ARFGEF2: variants seen among roughly 807,000 people sequenced by gnomAD.
ARFGEF2 encodes brefeldin A-inhibited guanine nucleotide-exchange protein 2.
A neutral mutation model predicts 219.9 loss-of-function variants in ARFGEF2; 74 were observed. That is an observed-to-expected ratio of 0.34 (90% CI 0.28 to 0.41). The LOEUF is 0.41. Ranked by LOEUF, ARFGEF2 falls within the 10% of genes least tolerant of loss-of-function variation. ARFGEF2 has a pLI of 1.00. For missense variants in ARFGEF2, 1,743 were observed against 2,218.3 expected, an observed-to-expected ratio of 0.79 and a Z score of 4.30; for synonymous variants, 733 against 799.2, an observed-to-expected ratio of 0.92 and a Z score of 1.40.
chr20:48,978,355 C>A (rs940750956), intron 14 of ARFGEF2, among the ~76,000 whole-genome samples: 18 of 152,144 alleles, frequency 1.2e-4, no homozygotes, highest in Admixed American at 3.9e-4. Flanking sequence ...GGTACCAGTA[C>A]CATGCTGTTT....
At chr20:48,996,184 C>T (rs1482203052) in intron 23 of ARFGEF2, among the ~76,000 whole-genome samples, 2 of 152,006 alleles carry the variant, frequency 1.3e-5, no homozygotes, top group African/African-American at 4.8e-5. Context: ...AAAAGCCTAC[C>T]CATGCTCACG....
intron 1 of ARFGEF2, among the ~76,000 whole-genome samples, chr20:48,932,571 A>C (rs1407672180): frequency 2.0e-5 from 3 of 152,314 alleles, no homozygotes; most frequent in Admixed American, 6.5e-5. Flanking sequence ...TTAAGACTAA[A>C]GGTCAGAGAG....
intron 8 of ARFGEF2, among the ~76,000 whole-genome samples, chr20:48,966,710 G>T (rs2091189599): frequency 6.6e-6 from 1 of 151,772 alleles, no homozygotes; most frequent in South Asian, 2.1e-4. Context: ...TTTCATTATT[G>T]CCCCTTCCTC....
intron 16 of ARFGEF2, among the ~76,000 whole-genome samples, chr20:48,987,124 A>G (rs1240436118): frequency 3.3e-5 from 5 of 152,248 alleles, no homozygotes; most frequent in Admixed American, 2.6e-4. Context: ...CAAAGGCAGC[A>G]TATCATCATT....
intron 30 of ARFGEF2, among the ~76,000 whole-genome samples, chr20:49,014,541 A>G (rs1470640471): frequency 6.6e-6 from 1 of 152,186 alleles, no homozygotes; most frequent in East Asian, 1.9e-4. Flanking sequence ...AATATGGAAT[A>G]TTAGGCAAAC....
intron 6 of ARFGEF2, among the ~76,000 whole-genome samples, chr20:48,956,902 A>G (rs181998677): frequency 1.3e-5 from 2 of 152,288 alleles, no homozygotes; most frequent in East Asian, 3.9e-4. Context: ...TTAGACAGCA[A>G]TATGTTCCAA....
intron 25 of ARFGEF2, 44 bp downstream of exon 25, chr20:48,998,549 AAAG>A: frequency 6.3e-7 from 1 of 1,588,384 alleles, no homozygotes; most frequent in Non-Finnish European, 8.6e-7. Context: ...AAAAAAAAAA[AAAG>A]TAGACAACTG....
rs1267608963 is a variant in ARFGEF2, at chr20:49,016,388, G to A, written c.4288G>A (p.Ala1430Thr). 4 of 1,613,414 alleles carry A rather than the reference G, an allele frequency of 2.5e-6. No individual in the cohort carries two copies. The highest frequency in any genetic ancestry group is 2.2e-5 in the South Asian group (2 of 91,084). ...TGAAGTTCTTCTTTCTGATGTATTT[G>A]CACAATTGCAGTGGTGTGTCAAACA... is the stretch of plus-strand genomic sequence containing the variant. ...LNEVLLSDVFAQLQWCVKQDN... is the reference protein window; with the variant it reads ...LNEVLLSDVFTQLQWCVKQDN... Residue 1430 changes from alanine (A) to threonine (T), a missense_variant, in exon 31 of 39, where the codon GCA (alanine) becomes ACA (threonine). By Grantham distance (58) the Ala-to-Thr change is moderately conservative (BLOSUM62 0). Coordinates refer to ENST00000371917, the MANE Select transcript of ARFGEF2 (RefSeq NM_006420.3).
At position 48,972,315 on chromosome 20, in the gene ARFGEF2, A is replaced by T. The variant is rs749293475; in HGVS notation, c.1426-11A>T. 1 of 1,590,964 alleles carries T rather than the reference A, an allele frequency of 6.3e-7. No individual in the cohort carries two copies. Among genetic ancestry groups the T allele is most frequent in the South Asian group, 1.1e-5 (1 of 90,622 alleles). The stretch of plus-strand genomic sequence containing the variant: ...TTAATTAGTGTCCTCCTTTGTCTTT[A>T]TGTCATATAGGTCTTTTTCAAAGAG... On this transcript the variant is annotated splice_polypyrimidine_tract_variant and intron_variant, in intron 10 of 38. Transcript: ENST00000371917.
chr20:48,933,800 C>A (rs1329596237), intron 1 of ARFGEF2, among the ~76,000 whole-genome samples: 1 of 151,918 alleles, frequency 6.6e-6, no homozygotes, highest in African/African-American at 2.4e-5. Context: ...TTTATCACTC[C>A]CATTTTTTAG....
At chr20:48,924,901 T>C (rs1344959460) in intron 1 of ARFGEF2, among the ~76,000 whole-genome samples, 1 of 152,218 alleles carries the variant, frequency 6.6e-6, no homozygotes, top group Non-Finnish European at 1.5e-5. Flanking sequence ...GCAAAAAACT[T>C]GGCATGTAGT....
In ARFGEF2 at chr20:49,025,348, G is replaced by A. The variant is rs370815962; in HGVS notation, c.4791G>A (p.Thr1597=). 5.0e-6 allele frequency: 8 copies of A among 1,613,400 alleles called. No individual in the cohort carries two copies. The highest frequency in any genetic ancestry group is 2.7e-5 in the African/African-American group (2 of 74,884). ...DTLDADIHIE[T]EDQGMYKYMS... ...TGGATGCAGATATCCACATAGAGACGGAGGATCAGGGCATGTATAAGTACA... is the reference window on the plus strand; with the variant it reads ...TGGATGCAGATATCCACATAGAGACAGAGGATCAGGGCATGTATAAGTACA... The change falls in exon 36 of 39, where the codon ACG becomes ACA. Residue 1597 remains threonine (T), a synonymous_variant. Transcript: ENST00000371917.
chr20:48,941,901 G>C lies in ARFGEF2; in HGVS notation c.190G>C (p.Glu64Gln). 1.2e-6 allele frequency: 2 copies of C among 1,614,170 alleles called. No homozygotes were observed. Residue 64 changes from glutamate to glutamine, a missense_variant, in exon 3 of 39, where the codon GAA becomes CAA. Glu to Gln is a conservative substitution (Grantham distance 29). This residue lies in a region of ARFGEF2 where 394 missense variants were observed against 426.6 expected (regional missense o/e 0.92). Transcript: ENST00000371917. ...TAAPPKANFI[E>Q]ADKYFLPFEL... ...TGCACCACCAAAGGCAAACTTCATT[G>C]AAGCTGACAAGTATTTTCTTCCATT... is the stretch of plus-strand genomic sequence containing the variant.
intron 1 of ARFGEF2, among the ~76,000 whole-genome samples, chr20:48,936,370 G>C (rs1372837722): frequency 1.3e-5 from 2 of 151,510 alleles, no homozygotes; most frequent in Non-Finnish European, 3.0e-5. Context: ...CCTCCCTCCC[G>C]GACGAGGTGG....
At chr20:48,935,621 AC>A (rs1385294078) in intron 1 of ARFGEF2, among the ~76,000 whole-genome samples, 1 of 152,156 alleles carries the variant, frequency 6.6e-6, no homozygotes, top group Non-Finnish European at 1.5e-5. Context: ...CACCTTGCAG[AC>A]GGGGTGGTGG....
chr20:48,953,374 C>T (rs2091083792), intron 5 of ARFGEF2, among the ~76,000 whole-genome samples, 182 bp from the exon 6 acceptor site: 1 of 151,954 alleles, frequency 6.6e-6, no homozygotes, highest in African/African-American at 2.4e-5. Flanking sequence ...CAGAGTTTCA[C>T]CATGTTGCCC....
intron 9 of ARFGEF2, 23 bp from the exon 10 acceptor site, chr20:48,971,097 T>C (rs746760891): frequency 6.9e-6 from 11 of 1,601,326 alleles, no homozygotes; most frequent in Non-Finnish European, 9.4e-6. Flanking sequence ...AGCACTGTTG[T>C]GGTTTTTCAT....
At chr20:48,960,611 G>A (rs2091142018) in intron 6 of ARFGEF2, among the ~76,000 whole-genome samples, 1 of 151,652 alleles carries the variant, frequency 6.6e-6, no homozygotes, top group African/African-American at 2.4e-5. Context: ...AGCCTCCCGA[G>A]TAGCTGGGAT....
At chr20:48,969,657 C>T (rs1171341406) in intron 9 of ARFGEF2, among the ~76,000 whole-genome samples, 1 of 152,222 alleles carries the variant, frequency 6.6e-6, no homozygotes, top group Non-Finnish European at 1.5e-5. Flanking sequence ...TCTGCTTCAT[C>T]GATACAGATG....
Sources: gnomAD v4.1 joint callset for allele counts (sites outside exome capture counted in the v4.1 genomes callset) on GRCh38, gnomAD v4.1.1 for gene constraint, gnomAD v4.1.1 regional missense constraint, MANE v1.5 for transcripts, NCBI Gene and HGNC (gene_info 2026-07-23, HGNC 2026-07-21) for gene names.